Variants in DAB1 observed in about 807,000 individuals in gnomAD.
DAB1 encodes disabled homolog 1.
DAB1 carries 15 observed loss-of-function variants against 64.6 expected under a neutral mutation model. The observed-to-expected ratio is 0.23, with a 90% confidence interval of 0.16 to 0.36. DAB1 has a LOEUF of 0.36. DAB1 is among the 10% of genes least tolerant of loss of function. The pLI, the probability that DAB1 is intolerant of heterozygous loss-of-function variation, is 1.00. For synonymous variants in DAB1, 235 were observed against 251.9 expected, an observed-to-expected ratio of 0.93 and a Z score of 0.64; for missense variants, 596 against 706.7, an observed-to-expected ratio of 0.84 and a Z score of 1.78.
At chr1:58,050,457 A>T (rs1047857984) in intron 5 of DAB1, among the ~76,000 whole-genome samples, 1 of 152,186 alleles carries the variant, frequency 6.6e-6, no homozygotes, top group Non-Finnish European at 1.5e-5. Context: ...TGATGAAGAG[A>T]AGGAATTAAT....
chr1:58,536,851 A>T (rs1326726490), intron 1 of DAB1: 1 of 671,482 alleles, frequency 1.5e-6, no homozygotes, highest in Non-Finnish European at 2.7e-6. Flanking sequence ...AATTTGTATG[A>T]TGTATTTCGC....
intron 7 of DAB1, among the ~76,000 whole-genome samples, chr1:57,507,241 C>T (rs1644354738): frequency 6.6e-6 from 1 of 152,136 alleles, no homozygotes; most frequent in Non-Finnish European, 1.5e-5. Context: ...CAGATTGGTC[C>T]ACTCATTACT....
chr1:57,695,432 GAAAA>G (rs1246228793), intron 6 of DAB1, among the ~76,000 whole-genome samples: 3 of 134,624 alleles, frequency 2.2e-5, no homozygotes, highest in African/African-American at 5.8e-5. Context: ...AAGAAAGAAA[GAAAA>G]AAGAAGAAAA....
In DAB1 at chr1:57,202,121, T is replaced by G. The variant is rs72919234; in HGVS notation, c.68-56692A>C. 1.1e-3 allele frequency among the ~76,000 whole-genome samples: 166 copies of G among 152,316 alleles called. 1 individual carries two copies. The highest frequency in any genetic ancestry group is 3.9e-3 in the African/African-American group (161 of 41,572). ...TAGCAATTATCTCCCCCAATATTCC[T>G]ATAAATAGTTGTAGGCAGCCCTCTA... On this transcript the variant is annotated intron_variant, in intron 2 of 14. Transcript: ENST00000371236.
intron 7 of DAB1, among the ~76,000 whole-genome samples, chr1:57,475,802 G>GT (rs1347315222): frequency 6.6e-6 from 1 of 152,220 alleles, no homozygotes; most frequent in African/African-American, 2.4e-5. Flanking sequence ...AGCTCCTTGA[G>GT]TGGGGGAACT....
chr1:58,334,533 G>A (rs1273477568), intron 4 of DAB1, among the ~76,000 whole-genome samples: 3 of 151,040 alleles, frequency 2.0e-5, no homozygotes, highest in African/African-American at 7.3e-5. Context: ...GGTTAAGGAG[G>A]TGATGATTTG....
At chr1:57,128,128 T>C (rs1450412227) in intron 4 of DAB1, among the ~76,000 whole-genome samples, 1 of 151,014 alleles carries the variant, frequency 6.6e-6, no homozygotes, top group African/African-American at 2.4e-5. Context: ...GCCTGGGAGA[T>C]AAGAGTGAGA....
chr1:57,125,710 T>C (rs490793), intron 4 of DAB1, among the ~76,000 whole-genome samples: 19,943 of 152,178 alleles, frequency 0.13, 1,469 homozygotes, highest in South Asian at 0.18. Flanking sequence ...ATACATTTTA[T>C]GCAACCTTCT....
At chr1:57,774,374 C>T (rs982408367) in intron 6 of DAB1, among the ~76,000 whole-genome samples, 3 of 151,814 alleles carry the variant, frequency 2.0e-5, no homozygotes, top group Non-Finnish European at 4.4e-5. Context: ...TTTTCTACAT[C>T]TGTGAACATG....
chr1:57,076,847 C>T (rs1302811825), intron 4 of DAB1, among the ~76,000 whole-genome samples: 1 of 152,186 alleles, frequency 6.6e-6, no homozygotes, highest in Non-Finnish European at 1.5e-5. Context: ...GCACTTCTTT[C>T]GCATTTATCC....
At chr1:57,215,216 T>C (rs1666337092) in intron 2 of DAB1, among the ~76,000 whole-genome samples, 1 of 152,058 alleles carries the variant, frequency 6.6e-6, no homozygotes, top group Non-Finnish European at 1.5e-5. Flanking sequence ...ATGCATAATA[T>C]TAGTTTGATG....
chr1:57,585,502 T>C (rs1645368373), intron 7 of DAB1, among the ~76,000 whole-genome samples: 1 of 152,148 alleles, frequency 6.6e-6, no homozygotes, highest in Non-Finnish European at 1.5e-5. Context: ...CATGGAACAA[T>C]AATGGGCATG....
At chr1:58,448,773 G>A (rs568832855) in intron 3 of DAB1, among the ~76,000 whole-genome samples, 17 of 152,326 alleles carry the variant, frequency 1.1e-4, no homozygotes, top group African/African-American at 4.1e-4. Context: ...GGCTCTGGCA[G>A]GCAGACTAAG....
At position 57,034,932 on chromosome 1, in the gene DAB1, G is replaced by A. The variant is rs115102825; in HGVS notation, c.724-8889C>T. On this transcript the variant is annotated intron_variant, in intron 9 of 14. Transcript: ENST00000371236. Reference sequence around the variant, plus strand: ...GTTACAAAGTGCAGAGCAGAGCAGAGTGGAAGAATCAATGTGCCCAGGCCC... The same window carrying A: ...GTTACAAAGTGCAGAGCAGAGCAGAATGGAAGAATCAATGTGCCCAGGCCC... Among the ~76,000 whole-genome samples the A allele has an allele frequency of 4.5e-3, 689 of 152,308 alleles. 9 individuals are homozygous for A. Among genetic ancestry groups the A allele is most frequent in the African/African-American group, 0.016 (652 of 41,564 alleles).
intron 1 of DAB1, among the ~76,000 whole-genome samples, chr1:57,415,585 A>T (rs1008113498): frequency 2.6e-5 from 4 of 152,212 alleles, no homozygotes; most frequent in Non-Finnish European, 5.9e-5. Context: ...TATTCTGACA[A>T]CACATGCCAT....
At chr1:58,539,400 GTTC>G in intron 1 of DAB1, 1 of 653,570 alleles carries the variant, frequency 1.5e-6, no homozygotes, top group Admixed American at 3.1e-5. Flanking sequence ...CGTGTCAGTT[GTTC>G]TTCTAACACA....
At chr1:57,846,270 T>C (rs960909875) in intron 1 of DAB1, among the ~76,000 whole-genome samples, 11 of 151,902 alleles carry the variant, frequency 7.2e-5, no homozygotes, top group Non-Finnish European at 1.2e-4. Context: ...CCATCCTGGC[T>C]AACATGGTGA....
intron 2 of DAB1, among the ~76,000 whole-genome samples, chr1:57,149,834 G>A (rs533214926): frequency 5.9e-5 from 9 of 152,028 alleles, no homozygotes; most frequent in Non-Finnish European, 1.3e-4. Context: ...TGGATAAACT[G>A]GCAGACGTCT....
intron 4 of DAB1, among the ~76,000 whole-genome samples, chr1:58,303,214 T>C (rs374438391): frequency 6.6e-6 from 1 of 152,068 alleles, no homozygotes. Flanking sequence ...AGCTGGAAGG[T>C]CCCTGATCCT....
Sources: gnomAD v4.1 joint callset for allele counts (sites outside exome capture counted in the v4.1 genomes callset) on GRCh38, gnomAD v4.1.1 for gene constraint, MANE v1.5 for transcripts, NCBI Gene and HGNC (gene_info 2026-07-23, HGNC 2026-07-21) for gene names.